CRLF1: variants seen among roughly 807,000 people sequenced by gnomAD.
CRLF1 encodes the protein cytokine receptor like factor 1, also known as cytokine receptor-like factor 1.
Under a neutral mutation model 48.9 loss-of-function variants are expected in CRLF1, and 36 were observed. The observed-to-expected ratio is 0.74, with a 90% CI of 0.56 to 0.97. CRLF1 has a LOEUF of 0.97. Among genes scored for constraint, CRLF1 ranks in the 50% least tolerant of loss-of-function variants. CRLF1 has a pLI of 0.00. For missense variants in CRLF1, 534 were observed against 575.1 expected (o/e 0.93, Z 0.73); for synonymous variants, 256 against 253.4 (o/e 1.01, Z -0.10).
chr19:18,602,259 C>T (rs1976230412), intron 1 of CRLF1, among the ~76,000 whole-genome samples: 1 of 152,178 alleles, frequency 6.6e-6, no homozygotes, highest in Non-Finnish European at 1.5e-5. Flanking sequence ...GCCAACCTCC[C>T]AATGCCTCTC....
chr19:18,595,982 G>A, intron 6 of CRLF1, among the ~76,000 whole-genome samples: 1 of 152,204 alleles, frequency 6.6e-6, no homozygotes. Context: ...ACCAGATGGG[G>A]ATGGGCAAAT....
chr19:18,599,924 T>TGAAC, intron 1 of CRLF1, 78 bp from the exon 2 acceptor site: 1 of 1,366,532 alleles, frequency 7.3e-7, no homozygotes, highest in Non-Finnish European at 9.7e-7. Flanking sequence ...CCTCCAGGGT[T>TGAAC]CATGGTGGTC....
chr19:18,603,349 G>T (rs1286502858), intron 1 of CRLF1, among the ~76,000 whole-genome samples: 1 of 152,248 alleles, frequency 6.6e-6, no homozygotes, highest in Non-Finnish European at 1.5e-5. Flanking sequence ...GCAGAGACCT[G>T]AATAAAGTAA....
chr19:18,598,470 G>T lies in CRLF1; in HGVS notation c.659C>A (p.Ala220Asp), dbSNP rs557128507. 183 of 1,614,122 alleles carry T rather than the reference G, an allele frequency of 1.1e-4. 4 individuals are homozygous for T. In the South Asian group the frequency reaches 2.0e-3, roughly 17 times the overall value. Residue 220 changes from alanine to aspartate, a missense_variant, in exon 4 of 9, where the codon GCC becomes GAC. This residue lies in a region of CRLF1 where 528 missense variants were observed against 555.7 expected (regional missense o/e 0.95). Transcript: ENST00000392386. Reference protein sequence around the residue: ...WVEATNRLGSARSDVLTLDIL... With the variant: ...WVEATNRLGSDRSDVLTLDIL... Reference sequence around the variant, plus strand: ...ATCCAGCGTGAGTACATCGGAGCGGGCAGAGCCCAGGCGGTTGGTGGCCTC... The same window carrying T: ...ATCCAGCGTGAGTACATCGGAGCGGTCAGAGCCCAGGCGGTTGGTGGCCTC...
At chr19:18,605,264 C>T (rs901224331) in intron 1 of CRLF1, among the ~76,000 whole-genome samples, 1 of 152,174 alleles carries the variant, frequency 6.6e-6, no homozygotes, top group African/African-American at 2.4e-5. Context: ...CCTGGGAGGG[C>T]CCGAGGTAGC....
chr19:18,594,030 G>GGGGGGGGGGGCCCCCCCCCC, intron 8 of CRLF1, 35 bp downstream of exon 8: 1 of 1,315,312 alleles, frequency 7.6e-7, no homozygotes, highest in Non-Finnish European at 1.1e-6. Flanking sequence ...CCCTCCCCTT[G>GGGGGGGGGGGCCCCCCCCCC]CTCCCTCCCG....
chr19:18,600,204 G>A (rs1976201790), intron 1 of CRLF1, among the ~76,000 whole-genome samples: 1 of 151,918 alleles, frequency 6.6e-6, no homozygotes. Flanking sequence ...ACTATGCTTT[G>A]CTTTTTTTTT....
intron 1 of CRLF1, among the ~76,000 whole-genome samples, chr19:18,603,619 AC>A (rs561165353): frequency 6.6e-6 from 1 of 152,204 alleles, no homozygotes; most frequent in Non-Finnish European, 1.5e-5. Context: ...GCAGCCAAGG[AC>A]AGGGTGATCC....
chr19:18,599,466 G>T, intron 2 of CRLF1, 99 bp downstream of exon 2: 1 of 1,535,480 alleles, frequency 6.5e-7, no homozygotes, highest in Non-Finnish European at 9.0e-7. Flanking sequence ...TGTGCCCACA[G>T]CTCATCCCCA....
Position 18,594,072 on chromosome 19 carries a change from C to G in CRLF1, c.1248G>C (p.Thr416=), listed in dbSNP as rs569275222. 7 of 1,538,194 alleles carry G rather than the reference C, an allele frequency of 4.6e-6. No homozygotes were observed. The highest frequency in any genetic ancestry group is 6.1e-6 in the Non-Finnish European group (7 of 1,139,980). ...EGILPSGRRG[T]ARGPAR is the part of the protein sequence containing the mutation. ...CATTCAGGCCCACCTTACCTCTCGC[C>G]GTGCCCCGTCTGCCCGAGGGCAGGA... The change falls in exon 8 of 9, where the codon ACG becomes ACC. Residue 416 remains threonine (T), a synonymous_variant. Coordinates refer to ENST00000392386, the MANE Select transcript of CRLF1 (RefSeq NM_004750.5).
chr19:18,602,806 G>GT (rs1452814680), intron 1 of CRLF1, among the ~76,000 whole-genome samples: 1 of 149,728 alleles, frequency 6.7e-6, no homozygotes, highest in African/African-American at 2.5e-5. Context: ...TTGAGACAGA[G>GT]TCTCACTCTG....
chr19:18,597,103 C>T, intron 4 of CRLF1, 54 bp from the exon 5 acceptor site: 2 of 1,571,842 alleles, frequency 1.3e-6, no homozygotes, highest in Non-Finnish European at 1.7e-6. Flanking sequence ...GTTTAACTCC[C>T]CCCAGCAGTG....
chr19:18,598,305 G>A, intron 4 of CRLF1, 127 bp downstream of exon 4: 3 of 1,004,924 alleles, frequency 3.0e-6, no homozygotes, highest in African/African-American at 1.6e-5. Context: ...GACAACCCGG[G>A]AGTTGCCGGG....
chr19:18,597,661 T>C (rs1464759744), intron 4 of CRLF1, among the ~76,000 whole-genome samples: 1 of 151,988 alleles, frequency 6.6e-6, no homozygotes, highest in Non-Finnish European at 1.5e-5. Flanking sequence ...CTCGATCTCC[T>C]GACCTCGTGA....
intron 1 of CRLF1, among the ~76,000 whole-genome samples, chr19:18,604,081 C>T (rs1414469002): frequency 6.6e-6 from 1 of 152,244 alleles, no homozygotes; most frequent in African/African-American, 2.4e-5. Context: ...CCCCAGGCCC[C>T]TCTCAGCCCT....
chr19:18,598,974 C>T, intron 2 of CRLF1, 73 bp from the exon 3 acceptor site: 2 of 1,588,526 alleles, frequency 1.3e-6, no homozygotes, highest in Non-Finnish European at 8.6e-7. Context: ...GGGGTTGCTG[C>T]CCACCCACCA....
Position 18,593,549 on chromosome 19 carries a change from G to GTCTCCA in CRLF1, c.*16_*17insTGGAGA. On this transcript the variant is annotated 3_prime_UTR_variant, in exon 9 of 9. Transcript: ENST00000392386. ...GCGTCTCCACGTGGCAGGGAGGGTG[G>GTCTCCA]CCTGAGCCCCTACAGCTTATCTGGC... The GTCTCCA allele has an allele frequency of 3.1e-6, 5 of 1,610,496 alleles. No individual in the cohort carries two copies. Among genetic ancestry groups the GTCTCCA allele is most frequent in the Non-Finnish European group, 4.2e-6 (5 of 1,178,876 alleles).
chr19:18,603,336 T>A (rs191414415), intron 1 of CRLF1, among the ~76,000 whole-genome samples: 3 of 152,332 alleles, frequency 2.0e-5, no homozygotes, highest in Non-Finnish European at 4.4e-5. Flanking sequence ...AGGTGACCTT[T>A]GAGCAGAGAC....
chr19:18,593,408 G>T lies in CRLF1; in HGVS notation c.*158C>A. On this transcript the variant is annotated 3_prime_UTR_variant, in exon 9 of 9. Coordinates refer to ENST00000392386, the MANE Select transcript of CRLF1 (RefSeq NM_004750.5). Reference sequence around the variant, plus strand: ...GTGCACCCAAAGGTGGCCTCACGTGGGAGTCAGAGCTGTTATGGCCGTTGG... The same window carrying T: ...GTGCACCCAAAGGTGGCCTCACGTGTGAGTCAGAGCTGTTATGGCCGTTGG... The T allele has an allele frequency of 3.0e-6, 3 of 1,010,068 alleles. No individual in the cohort carries two copies. The highest frequency in any genetic ancestry group is 1.6e-5 in the South Asian group (1 of 62,996). The allele number at this position is 1,010,068 out of a possible 1,614,324, so 62.6% of individuals were successfully genotyped here.
Sources: gnomAD v4.1 joint callset for allele counts (sites outside exome capture counted in the v4.1 genomes callset) on GRCh38, gnomAD v4.1.1 for gene constraint, gnomAD v4.1.1 regional missense constraint, MANE v1.5 for transcripts, NCBI Gene and HGNC (gene_info 2026-07-23, HGNC 2026-07-21) for gene names.